Variants in COPB2 observed in about 807,000 individuals in gnomAD.
COPB2 encodes coat protein complex I subunit beta 2, also known as coatomer subunit beta'.
Under a neutral mutation model 120.8 loss-of-function variants are expected in COPB2, and 16 were observed. That is an observed-to-expected ratio of 0.13 (90% CI 0.09 to 0.20). The LOEUF is 0.20. COPB2 is among the 10% of genes least tolerant of loss of function. The pLI is 1.00. For missense variants in COPB2, 794 were observed against 1,076.5 expected, an observed-to-expected ratio of 0.74 and a Z score of 3.67; for synonymous variants, 332 against 366.3, an observed-to-expected ratio of 0.91 and a Z score of 1.07.
Position 139,369,317 on chromosome 3 carries a change from A to G in COPB2, c.1345T>C (p.Phe449Leu), listed in dbSNP as rs1217099698. The G allele has an allele frequency of 6.2e-7, 1 of 1,613,716 alleles. No homozygotes were observed. Among genetic ancestry groups the G allele is most frequent in the Non-Finnish European group, 8.5e-7 (1 of 1,179,814 alleles). ...AGTTCTGTATTGTCCCAGTCATAGA[A>G]GGCTAAGCCATTTACAGATCTGACT... Reference protein sequence around the residue: ...LGVRSVNGLAFYDWDNTELIR... With the variant: ...LGVRSVNGLALYDWDNTELIR... The change falls in exon 12 of 22, where the codon TTC (phenylalanine) becomes CTC (leucine). Residue 449 changes from phenylalanine to leucine, a missense_variant. By Grantham distance (22) the Phe-to-Leu change is conservative. This residue lies in a region of COPB2 where 610 missense variants were observed against 866.7 expected (regional missense o/e 0.70). Transcript: ENST00000333188.
At chr3:139,380,003 C>CTTTTTTTTTTTTTTTTTT (rs869062825) in intron 2 of COPB2, 2 of 101,372 alleles carry the variant, frequency 2.0e-5, no homozygotes, top group Non-Finnish European at 1.9e-5. Flanking sequence ...TTTTTCTTTT[C>CTTTTTTTTTTTTTTTTTT]TTTTTTTTTT....
At chr3:139,367,293 ATTT>A (rs200861935) in intron 13 of COPB2, 148 bp from the exon 14 acceptor site, 212 of 692,838 alleles carry the variant, frequency 3.1e-4, no homozygotes, top group East Asian at 5.8e-4. Flanking sequence ...TTTCCTTGGA[ATTT>A]TTTTTTTTTT....
intron 20 of COPB2, 149 bp from the exon 21 acceptor site, chr3:139,358,420 T>A (rs997244697): frequency 1.4e-6 from 1 of 705,650 alleles, no homozygotes; most frequent in African/African-American, 1.8e-5. Context: ...GGCTCACGCC[T>A]GTAATCCCAG....
rs1941654746 is a variant in COPB2 at position 139,373,257 on chromosome 3, A to G, written c.1050T>C (p.Ser350=). The change falls in exon 9 of 22, where the codon AGT becomes AGC. Residue 350 remains serine, a synonymous_variant. Coordinates refer to ENST00000333188, the MANE Select transcript of COPB2 (RefSeq NM_004766.3). The part of the protein sequence containing the change: ...RLPLAVKDMG[S]CEIYPQTIQH... ...GAATAGTCTGAGGGTATATTTCACAACTGCCCATATCCTTTACTGCCAGTG... is the reference window on the plus strand; with the variant it reads ...GAATAGTCTGAGGGTATATTTCACAGCTGCCCATATCCTTTACTGCCAGTG... 1.2e-6 allele frequency: 2 copies of G among 1,614,068 alleles called. No homozygotes were observed. The highest frequency in any genetic ancestry group is 2.7e-5 in the African/African-American group (2 of 75,002).
chr3:139,360,936 A>G, intron 17 of COPB2, 145 bp downstream of exon 17: 1 of 799,078 alleles, frequency 1.3e-6, no homozygotes, highest in Non-Finnish European at 2.0e-6. Context: ...GAGTGCCACC[A>G]AGGCAGCACT....
rs1941315734 is a variant in COPB2, at chr3:139,357,661, TAAC to T, written c.*199_*201del. ...AATCAAAGCCCATGTCTGTTTTAGT[TAAC>T]AAGGAAAACACAGTGATTTAAATGC... On this transcript the variant is annotated 3_prime_UTR_variant, in exon 22 of 22. Coordinates refer to ENST00000333188, the MANE Select transcript of COPB2 (RefSeq NM_004766.3). 3 of 406,454 alleles carry T rather than the reference TAAC, an allele frequency of 7.4e-6. No individual in the cohort carries two copies. Among genetic ancestry groups the T allele is most frequent in the Non-Finnish European group, 1.3e-5 (3 of 230,508 alleles). 25.2% of individuals were successfully genotyped at this position (406,454 alleles called of 1,614,324 possible). A position where few individuals can be genotyped will look rare whatever the true frequency, so the allele number is the denominator to read the frequency against.
intron 1 of COPB2, among the ~76,000 whole-genome samples, chr3:139,385,698 A>T (rs1302494327): frequency 6.6e-6 from 1 of 152,276 alleles, no homozygotes; most frequent in Non-Finnish European, 1.5e-5. Flanking sequence ...AGCATTTTCA[A>T]GCCAAATTCT....
rs1941519482 is a variant in COPB2, at chr3:139,366,551, A to C, written c.1884+17T>G. The C allele has an allele frequency of 1.9e-6, 3 of 1,566,580 alleles. No homozygotes were observed. The East Asian group carries it at 6.8e-5, about 35-fold the overall frequency. On this transcript the variant is annotated intron_variant, in intron 15 of 21. Transcript: ENST00000333188. The stretch of plus-strand genomic sequence containing the variant: ...GCAAGTTTTAAAAAACAAAAAGAAA[A>C]AAACAAAACCTCTTACCTGCTTTTC...
intron 1 of COPB2, among the ~76,000 whole-genome samples, chr3:139,384,491 A>C (rs533886852): frequency 1.7e-4 from 26 of 152,340 alleles, no homozygotes; most frequent in African/African-American, 5.3e-4. Context: ...AACCTCTTTC[A>C]GGTTTTTAAA....
intron 3 of COPB2, 35 bp from the exon 4 acceptor site, chr3:139,379,208 T>C (rs762049287): frequency 3.1e-5 from 48 of 1,573,600 alleles, no homozygotes; most frequent in Non-Finnish European, 4.1e-5. Flanking sequence ...TCATCCCTGT[T>C]ATCAAGTAAA....
At chr3:139,373,452 A>G in intron 8 of COPB2, 40 bp from the exon 9 acceptor site, 1 of 1,607,614 alleles carries the variant, frequency 6.2e-7, no homozygotes, top group East Asian at 2.2e-5. Flanking sequence ...TGAAAAGGAA[A>G]ATGAATAAAA....
chr3:139,362,587 TATAC>T (rs2107797829), intron 15 of COPB2, 70 bp from the exon 16 acceptor site: 15 of 898,608 alleles, frequency 1.7e-5, no homozygotes, highest in Admixed American at 7.8e-5. Context: ...TATATATATA[TATAC>T]ACACACATAT....
chr3:139,361,458 A>T (rs930688602), intron 16 of COPB2, among the ~76,000 whole-genome samples, 163 bp from the exon 17 acceptor site: 2 of 152,274 alleles, frequency 1.3e-5, no homozygotes, highest in African/African-American at 4.8e-5. Context: ...CAGTGAGGAA[A>T]TGGAAATTAT....
chr3:139,386,438 G>A (rs912922356), intron 1 of COPB2, among the ~76,000 whole-genome samples: 3 of 151,846 alleles, frequency 2.0e-5, no homozygotes, highest in African/African-American at 7.3e-5. Flanking sequence ...TATTTTTAGA[G>A]ACAGGGTTTC....
intron 11 of COPB2, 27 bp from the exon 12 acceptor site, chr3:139,369,394 C>G (rs760168305): frequency 6.2e-7 from 1 of 1,607,752 alleles, no homozygotes; most frequent in South Asian, 1.1e-5. Context: ...AAGAGTTTTG[C>G]TTAGGCATTT....
At chr3:139,388,525 T>C (rs1941977856) in intron 1 of COPB2, among the ~76,000 whole-genome samples, 1 of 151,476 alleles carries the variant, frequency 6.6e-6, no homozygotes, top group Non-Finnish European at 1.5e-5. Context: ...ACAATTAACC[T>C]TGTAGAAACA....
chr3:139,361,433 G>T, intron 16 of COPB2, 138 bp from the exon 17 acceptor site: 1 of 764,826 alleles, frequency 1.3e-6, no homozygotes, highest in Non-Finnish European at 2.0e-6. Context: ...AATAAGAATG[G>T]CATTGCAAAA....
intron 19 of COPB2, 50 bp downstream of exon 19, chr3:139,358,948 C>T (rs1322880733): frequency 1.3e-6 from 2 of 1,596,698 alleles, no homozygotes; most frequent in South Asian, 2.2e-5. Flanking sequence ...CCTGAATGTA[C>T]TTCCACCCTG....
rs1482607459 is a variant in COPB2, at chr3:139,383,419, A to C, written c.20T>G (p.Ile7Ser). Reference protein sequence around the residue: MPLRLDIKRKLTARSDR... With the variant: MPLRLDSKRKLTARSDR... ...AGATCTAGCAGTTAGCTTTCTTTTG[A>C]TATCAAGTCGCAGAGGCTAAAAAGA... is the stretch of plus-strand genomic sequence containing the variant. The change falls in exon 2 of 22, where the codon ATC (isoleucine) becomes AGC (serine). Residue 7 changes from isoleucine to serine, a missense_variant. Around this residue, in one of 3 missense-constraint regions of COPB2, gnomAD observed 610 missense variants for 866.7 expected, o/e 0.70. Coordinates refer to ENST00000333188, the MANE Select transcript of COPB2 (RefSeq NM_004766.3). 2.7e-5 allele frequency: 42 copies of C among 1,565,840 alleles called. No individual in the cohort carries two copies. The highest frequency in any genetic ancestry group is 3.5e-5 in the Non-Finnish European group (41 of 1,157,948).
Sources: allele counts gnomAD v4.1 joint callset (sites outside exome capture counted in the v4.1 genomes callset), GRCh38; gene constraint gnomAD v4.1.1; regional missense constraint gnomAD v4.1.1; transcripts MANE v1.5; gene names NCBI Gene and HGNC (gene_info 2026-07-23, HGNC 2026-07-21).